TRRAP: variants seen among roughly 807,000 people sequenced by gnomAD.
The protein encoded by TRRAP is transformation/transcription domain associated protein, also known as transformation/transcription domain-associated protein.
A neutral mutation model predicts 438.8 loss-of-function variants in TRRAP; 41 were observed. The ratio of observed to expected loss-of-function variants is 0.09; its 90% CI spans 0.07 to 0.12. The LOEUF is 0.12. Among genes scored for constraint, TRRAP ranks in the 10% least tolerant of loss-of-function variants. The pLI is 1.00. For missense variants in TRRAP, 3,122 were observed against 5,055.1 expected (o/e 0.62, Z 11.60); for synonymous variants, 1,994 against 1,962.9 (o/e 1.02, Z -0.42).
intron 26 of TRRAP, among the ~76,000 whole-genome samples, chr7:98,932,415 T>A (rs782451781): frequency 5.9e-5 from 9 of 151,974 alleles, no homozygotes; most frequent in Non-Finnish European, 1.0e-4. Context: ...GCCCAGCCTA[T>A]TTTTTTTAAC....
Position 99,010,697 on chromosome 7 carries a change from G to A in TRRAP, c.10939-355G>A, listed in dbSNP as rs75759049. Among the ~76,000 whole-genome samples, 1,010 of 152,270 alleles carry A rather than the reference G, an allele frequency of 6.6e-3. 16 individuals carry two copies. Among genetic ancestry groups the A allele is most frequent in the African/African-American group, 0.023 (943 of 41,544 alleles). ...CTTGGTTGGAAGTGGTGCTGCTGTT[G>A]TCCAGCTGTTGTGTTCTGTTAATTG... On this transcript the variant is annotated intron_variant, in intron 70 of 72. Coordinates refer to ENST00000456197, the MANE Select transcript of TRRAP (RefSeq NM_001375524.1).
chr7:98,885,924 A>G (rs1025148595), intron 3 of TRRAP, among the ~76,000 whole-genome samples: 4 of 152,144 alleles, frequency 2.6e-5, no homozygotes, highest in East Asian at 1.9e-4. Context: ...CCTTTTTAGT[A>G]TTTGCAATTA....
In TRRAP at chr7:98,912,072, T is replaced by C. The variant is rs2116416304; in HGVS notation, c.2058T>C (p.Ala686=). 2 of 1,614,224 alleles carry C rather than the reference T, an allele frequency of 1.2e-6. No individual in the cohort carries two copies. The highest frequency in any genetic ancestry group is 1.1e-5 in the South Asian group (1 of 91,084). Residue 686 remains alanine, a synonymous_variant, in exon 18 of 73, where the codon GCT becomes GCC. Coordinates refer to ENST00000456197, the MANE Select transcript of TRRAP (RefSeq NM_001375524.1). ...ATCCTACTACCTCTGCTCTGTTTGC[T>C]ACGATTCTGGTGGAATATCTCCTTG... ...LANPTTSALF[A]TILVEYLLDR...
chr7:98,895,690 A>G, intron 6 of TRRAP, 74 bp from the exon 7 acceptor site: 1 of 1,314,490 alleles, frequency 7.6e-7, no homozygotes, highest in Non-Finnish European at 1.0e-6. Context: ...AGACAATTAC[A>G]ACTTTTCTTA....
intron 59 of TRRAP, 63 bp from the exon 60 acceptor site, chr7:98,983,201 G>T: frequency 6.9e-7 from 1 of 1,442,052 alleles, no homozygotes; most frequent in Non-Finnish European, 9.4e-7. Context: ...GGACTCTGGT[G>T]TGTTTTTCCC....
intron 70 of TRRAP, 60 bp downstream of exon 70, chr7:99,008,621 G>A: frequency 6.3e-7 from 1 of 1,575,708 alleles, no homozygotes; most frequent in South Asian, 1.1e-5. Context: ...GTGTGGGGCA[G>A]TGCCTGGAGA....
At position 99,004,583 on chromosome 7, in the gene TRRAP, T is replaced by C. The variant is rs1944649862; in HGVS notation, c.10535+168T>C. 2.0e-5 allele frequency among the ~76,000 whole-genome samples: 3 copies of C among 152,220 alleles called. No individual in the cohort carries two copies. The South Asian group carries it at 6.2e-4, about 32-fold the overall frequency. Reference sequence around the variant, plus strand: ...AAGTGGTCAGGCACTTTACAAGTTCTGCCCGCGCTGACTGGTTAGCTGTCC... The same window carrying C: ...AAGTGGTCAGGCACTTTACAAGTTCCGCCCGCGCTGACTGGTTAGCTGTCC... On this transcript the variant is annotated intron_variant, in intron 68 of 72. Transcript: ENST00000456197.
Position 98,976,718 on chromosome 7 carries a change from C to T in TRRAP, c.8195C>T (p.Pro2732Leu), listed in dbSNP as rs760090444. The T allele has an allele frequency of 2.5e-6, 4 of 1,613,844 alleles. No homozygotes were observed. Among genetic ancestry groups the T allele is most frequent in the East Asian group, 2.2e-5 (1 of 44,894 alleles). Residue 2732 changes from proline (P) to leucine (L), a missense_variant, in exon 55 of 73, where the codon CCG (proline) becomes CTG (leucine). Transcript: ENST00000456197. The surrounding 1 kb of genome is among the most constrained non-coding windows in gnomAD (Gnocchi z 4.6). The part of the protein sequence containing the change: ...FEKGLSLQIK[P>L]KQTTEFYEQE... ...AAGGGTCTGAGTCTTCAGATTAAGCCGAAGCAAACAACGGAGTTTTATGAG... is the reference window on the plus strand; with the variant it reads ...AAGGGTCTGAGTCTTCAGATTAAGCTGAAGCAAACAACGGAGTTTTATGAG...
rs1554407945 is a variant in TRRAP at position 98,908,758 on chromosome 7, C to T, written c.1146C>T (p.Leu382=). The T allele has an allele frequency of 8.3e-6, 13 of 1,563,946 alleles. No individual in the cohort carries two copies. Among genetic ancestry groups the T allele is most frequent in the Admixed American group, 7.6e-5 (4 of 52,412 alleles). The change falls in exon 14 of 73, where the codon CTC becomes CTT. Residue 382 remains leucine (L), a synonymous_variant. Coordinates refer to ENST00000456197, the MANE Select transcript of TRRAP (RefSeq NM_001375524.1). The surrounding 1 kb of genome is among the most constrained non-coding windows in gnomAD (Gnocchi z 4.1). ...TCGCCTACAGCACGCTGGCCGACCT[C>T]GTGCACCATGTCCGCCAGCACCTGC... ...RPLAYSTLAD[L]VHHVRQHLPL...
intron 65 of TRRAP, among the ~76,000 whole-genome samples, chr7:98,992,926 T>G (rs1793493334): frequency 6.6e-6 from 1 of 152,198 alleles, no homozygotes; most frequent in Non-Finnish European, 1.5e-5. Flanking sequence ...CATGTCTTGG[T>G]CATTTGAAAA....
intron 56 of TRRAP, among the ~76,000 whole-genome samples, chr7:98,977,972 C>T (rs1319434164): frequency 2.0e-5 from 3 of 152,186 alleles, no homozygotes; most frequent in Non-Finnish European, 4.4e-5. Context: ...GACAACTGGG[C>T]CATGGCAGTG....
At chr7:98,894,200 G>A (rs1286000178) in intron 6 of TRRAP, among the ~76,000 whole-genome samples, 10 of 152,214 alleles carry the variant, frequency 6.6e-5, no homozygotes, top group Admixed American at 6.5e-4. Flanking sequence ...TCTGAAGCCA[G>A]AGCCGGGTTT....
At chr7:98,923,023 C>T (rs1159750559) in intron 21 of TRRAP, among the ~76,000 whole-genome samples, 1 of 152,148 alleles carries the variant, frequency 6.6e-6, no homozygotes, top group Non-Finnish European at 1.5e-5. Flanking sequence ...TTCCTCAAGC[C>T]TATGCCTCAT....
At position 98,908,163 on chromosome 7, in the gene TRRAP, G is replaced by A. The variant is rs142594129; in HGVS notation, c.1116-565G>A. 1.5e-3 allele frequency among the ~76,000 whole-genome samples: 226 copies of A among 152,244 alleles called. No individual in the cohort carries two copies. The highest frequency in any genetic ancestry group is 4.6e-3 in the African/African-American group (190 of 41,538). On this transcript the variant is annotated intron_variant, in intron 13 of 72. Transcript: ENST00000456197. The surrounding 1 kb of genome is among the most constrained non-coding windows in gnomAD (Gnocchi z 4.1). ...TCTCATGTGCCCTTTTCACATCCCC[G>A]CTAGCACTTACTAACTTGTGTAGCT...
chr7:98,996,611 A>T (rs1182784473), intron 67 of TRRAP, among the ~76,000 whole-genome samples: 1 of 152,234 alleles, frequency 6.6e-6, no homozygotes, highest in East Asian at 1.9e-4. Context: ...AATCATTTTA[A>T]TTTTCATTTC....
At chr7:99,008,339 A>C (rs1584419636) in intron 69 of TRRAP, 38 bp from the exon 70 acceptor site, 1 of 1,600,352 alleles carries the variant, frequency 6.2e-7, no homozygotes. Flanking sequence ...GCCCGCGGTC[A>C]CCCTCAGCCT....
At chr7:98,888,174 G>T (rs1192898562) in intron 3 of TRRAP, among the ~76,000 whole-genome samples, 1 of 151,580 alleles carries the variant, frequency 6.6e-6, no homozygotes, top group Non-Finnish European at 1.5e-5. Context: ...AGCTTGCAGT[G>T]AGCCGAGATC....
Position 98,967,707 on chromosome 7 carries a change from A to C in TRRAP, c.7512+9A>C. On this transcript the variant is annotated intron_variant, in intron 51 of 72. Coordinates refer to ENST00000456197, the MANE Select transcript of TRRAP (RefSeq NM_001375524.1). ...TCAAGCAGTGCATTGAGGTAGGAAG[A>C]CTCGGCTCACATCTGTGGCCGGGGG... 1 of 1,610,780 alleles carries C rather than the reference A, an allele frequency of 6.2e-7. No individual in the cohort carries two copies. The highest frequency in any genetic ancestry group is 8.5e-7 in the Non-Finnish European group (1 of 1,178,572).
chr7:98,916,532 G>T (rs564504980), intron 19 of TRRAP, among the ~76,000 whole-genome samples: 1 of 152,170 alleles, frequency 6.6e-6, no homozygotes, highest in African/African-American at 2.4e-5. Flanking sequence ...CTTCCTTAGA[G>T]AAGTGACATA....
Sources: allele counts gnomAD v4.1 joint callset (sites outside exome capture counted in the v4.1 genomes callset), GRCh38; gene constraint gnomAD v4.1.1; non-coding constraint Gnocchi (gnomAD v3.1); transcripts MANE v1.5; gene names NCBI Gene and HGNC (gene_info 2026-07-23, HGNC 2026-07-21).